The following CSMD1 variants were observed in gnomAD, a reference collection of about 807,000 sequenced individuals.
CSMD1 encodes CUB and sushi domain-containing protein 1.
A neutral mutation model predicts 417.5 loss-of-function variants in CSMD1; 213 were observed. The observed-to-expected ratio is 0.51, with a 90% CI of 0.46 to 0.57. The LOEUF (loss-of-function observed/expected upper bound fraction) is 0.57. CSMD1 is among the 20% of genes least tolerant of loss of function. The pLI is 0.00. For missense variants in CSMD1, 6,923 were observed against 4,529.7 expected (o/e 1.53, Z -15.17); for synonymous variants, 2,862 against 1,736.8 (o/e 1.65, Z -16.11).
chr8:2,979,532 C>G (rs1354916954), intron 54 of CSMD1, among the ~76,000 whole-genome samples: 3 of 152,198 alleles, frequency 2.0e-5, no homozygotes, highest in Non-Finnish European at 1.5e-5. Context: ...TGACCCACCC[C>G]ACCAGTGAAT....
In CSMD1 at chr8:4,866,901, A is replaced by G. The variant is rs1434142765; in HGVS notation, c.85+127431T>C. On this transcript the variant is annotated intron_variant, in intron 1 of 69. Coordinates refer to ENST00000635120, the MANE Select transcript of CSMD1 (RefSeq NM_033225.6). ...TTTGTGACCTCCTTAATTATAATTT[A>G]TTTGCCATTATTTTAATGGCAAAAA... Among the ~76,000 whole-genome samples, 3 of 152,040 alleles carry G rather than the reference A, an allele frequency of 2.0e-5. No individual in the cohort carries two copies. The East Asian group carries it at 5.8e-4, about 29-fold the overall frequency.
intron 2 of CSMD1, among the ~76,000 whole-genome samples, chr8:4,628,229 C>A (rs1802237202): frequency 6.6e-6 from 1 of 151,222 alleles, no homozygotes; most frequent in South Asian, 2.1e-4. Context: ...AAAAGTGCAT[C>A]TTATAAATGA....
chr8:3,261,382 C>G (rs866880118), intron 26 of CSMD1, among the ~76,000 whole-genome samples: 1 of 152,050 alleles, frequency 6.6e-6, no homozygotes, highest in African/African-American at 2.4e-5. Flanking sequence ...ACTTACGTTC[C>G]CATGATAAAG....
chr8:3,875,104 G>A (rs968121953), intron 5 of CSMD1, among the ~76,000 whole-genome samples: 8 of 148,272 alleles, frequency 5.4e-5, no homozygotes, highest in African/African-American at 1.8e-4. Flanking sequence ...GATCCTAGAG[G>A]GGCTTCAGGA....
At chr8:3,942,484 G>T (rs1810949941) in intron 5 of CSMD1, among the ~76,000 whole-genome samples, 1 of 152,036 alleles carries the variant, frequency 6.6e-6, no homozygotes, top group African/African-American at 2.4e-5. Flanking sequence ...CAGATGCCTG[G>T]ATGAGCAATT....
intron 37 of CSMD1, among the ~76,000 whole-genome samples, chr8:3,174,408 T>C (rs1030251163): frequency 2.0e-5 from 3 of 152,096 alleles, no homozygotes; most frequent in African/African-American, 2.4e-5. Context: ...GGTGGGAGGA[T>C]TGCTTGAACC....
rs78332238 is a variant in CSMD1 at position 4,458,182 on chromosome 8, T to C, written c.303-38117A>G. The stretch of plus-strand genomic sequence containing the variant: ...TGGATGCTGATTAATATACTAAATA[T>C]CAAAATGATACTAATCACCTTGTAA... On this transcript the variant is annotated intron_variant, in intron 2 of 69. Transcript: ENST00000635120. 1.0e-3 allele frequency among the ~76,000 whole-genome samples: 159 copies of C among 152,300 alleles called. 3 individuals are homozygous for C. The East Asian group carries it at 0.028, about 27-fold the overall frequency.
At chr8:3,087,416 A>G (rs1814620535) in intron 48 of CSMD1, 131 bp from the exon 49 acceptor site, 3 of 929,718 alleles carry the variant, frequency 3.2e-6, no homozygotes, top group Non-Finnish European at 4.9e-6. Flanking sequence ...CCAGTATGTA[A>G]GTTTGTTCTA....
chr8:4,699,791 T>G, intron 1 of CSMD1, among the ~76,000 whole-genome samples: 1 of 152,240 alleles, frequency 6.6e-6, no homozygotes, highest in East Asian at 1.9e-4. Context: ...ATATGGTGCT[T>G]GAACTCACCT....
At chr8:3,122,847 T>TA (rs1441106699) in intron 41 of CSMD1, among the ~76,000 whole-genome samples, 40 of 152,288 alleles carry the variant, frequency 2.6e-4, no homozygotes, top group African/African-American at 9.6e-4. Context: ...TGGACTAATA[T>TA]AACAGTCCAC....
At chr8:3,175,107 C>G (rs1820823802) in intron 37 of CSMD1, among the ~76,000 whole-genome samples, 1 of 152,028 alleles carries the variant, frequency 6.6e-6, no homozygotes, top group Non-Finnish European at 1.5e-5. Context: ...AAGTGTGAAT[C>G]AAATCAGGTA....
intron 5 of CSMD1, among the ~76,000 whole-genome samples, chr8:3,943,365 A>AG (rs978623768): frequency 6.6e-6 from 1 of 151,800 alleles, no homozygotes. Flanking sequence ...TTGTTAAAAA[A>AG]AAAAAAGTCA....
At position 4,197,005 on chromosome 8, in the gene CSMD1, A is replaced by G. The variant is rs901813586; in HGVS notation, c.416-164906T>C. Reference sequence around the variant, plus strand: ...TCACAATATCTATTCTACGCTTTCTATTTTTTAATGTGAAAATATTTCCTT... The same window carrying G: ...TCACAATATCTATTCTACGCTTTCTGTTTTTTAATGTGAAAATATTTCCTT... On this transcript the variant is annotated intron_variant, in intron 3 of 69. Transcript: ENST00000635120. Among the ~76,000 whole-genome samples, 8 of 152,066 alleles carry G rather than the reference A, an allele frequency of 5.3e-5. No individual in the cohort carries two copies. The East Asian group carries it at 5.8e-4, about 11-fold the overall frequency.
chr8:3,828,466 G>A (rs1271125964), intron 5 of CSMD1, among the ~76,000 whole-genome samples: 3 of 152,090 alleles, frequency 2.0e-5, no homozygotes, highest in East Asian at 3.9e-4. Context: ...AAACCCATGT[G>A]AATACAGAAA....
chr8:3,854,430 A>T (rs942403011), intron 5 of CSMD1, among the ~76,000 whole-genome samples: 1 of 152,162 alleles, frequency 6.6e-6, no homozygotes, highest in African/African-American at 2.4e-5. Context: ...ACTGTTTAAG[A>T]ATATCCAAAC....
intron 7 of CSMD1, among the ~76,000 whole-genome samples, chr8:3,692,554 C>G (rs1431686953): frequency 6.6e-6 from 1 of 152,100 alleles, no homozygotes; most frequent in Non-Finnish European, 1.5e-5. Flanking sequence ...CCTGCCTCAG[C>G]CTCCCGAGCA....
At chr8:3,193,490 G>A (rs146385754) in intron 33 of CSMD1, among the ~76,000 whole-genome samples, 1 of 152,122 alleles carries the variant, frequency 6.6e-6, no homozygotes, top group Non-Finnish European at 1.5e-5. Context: ...ATCAGACAGT[G>A]CTGTGTAACT....
intron 3 of CSMD1, among the ~76,000 whole-genome samples, chr8:4,180,202 A>G (rs1396720795): frequency 6.6e-6 from 1 of 152,090 alleles, no homozygotes; most frequent in Non-Finnish European, 1.5e-5. Context: ...GATAGACTGG[A>G]TTAAGAAAAT....
intron 3 of CSMD1, among the ~76,000 whole-genome samples, chr8:4,414,588 C>T (rs1260897830): frequency 1.3e-5 from 2 of 151,886 alleles, no homozygotes; most frequent in African/African-American, 4.8e-5. Flanking sequence ...ATCTTTAAAT[C>T]AATTCAGTGA....
Sources: allele counts gnomAD v4.1 joint callset (sites outside exome capture counted in the v4.1 genomes callset), GRCh38; gene constraint gnomAD v4.1.1; transcripts MANE v1.5; gene names NCBI Gene and HGNC (gene_info 2026-07-23, HGNC 2026-07-21).